The following CHCHD3 variants were observed in gnomAD, a reference collection of about 807,000 sequenced individuals.
The protein encoded by CHCHD3 is MICOS complex subunit MIC19.
Under a neutral mutation model 38.2 loss-of-function variants are expected in CHCHD3, and 20 were observed. The observed-to-expected ratio is 0.52, with a 90% CI of 0.37 to 0.76. The LOEUF is 0.76. CHCHD3 is among the 30% of genes least tolerant of loss of function. CHCHD3 has a pLI of 0.00. For missense variants in CHCHD3, 245 were observed against 279.2 expected (o/e 0.88, Z 0.87); for synonymous variants, 82 against 100.0 (o/e 0.82, Z 1.07).
intron 1 of CHCHD3, among the ~76,000 whole-genome samples, chr7:133,073,188 C>A (rs1814877900): frequency 6.6e-6 from 1 of 152,030 alleles, no homozygotes. Flanking sequence ...GAAAGCCCTC[C>A]CTTGGCTTTT....
At chr7:133,034,127 A>G (rs1813579760) in intron 2 of CHCHD3, among the ~76,000 whole-genome samples, 1 of 152,246 alleles carries the variant, frequency 6.6e-6, no homozygotes. Context: ...AAAATTATCT[A>G]CACAGGATAG....
intron 2 of CHCHD3, among the ~76,000 whole-genome samples, chr7:133,060,778 C>T (rs1814481987): frequency 2.6e-5 from 4 of 152,134 alleles, no homozygotes; most frequent in South Asian, 2.1e-4. Flanking sequence ...GGCGTGGTGG[C>T]GGGAGCCTGT....
intron 5 of CHCHD3, among the ~76,000 whole-genome samples, chr7:132,870,351 CAAA>C (rs58488494): frequency 1.3e-4 from 13 of 99,348 alleles, no homozygotes; most frequent in Admixed American, 3.2e-4. Context: ...CCTATCTCAC[CAAA>C]AAAAAAAAAA....
chr7:133,019,811 C>T lies in CHCHD3; in HGVS notation c.251+4735G>A, dbSNP rs183691675. On this transcript the variant is annotated intron_variant, in intron 3 of 7. Transcript: ENST00000262570. Reference sequence around the variant, plus strand: ...CCAAAGGTCAGAGGTCAGAAGTAGTCACATTTTTCTAGCTGTCAAAGACTG... The same window carrying T: ...CCAAAGGTCAGAGGTCAGAAGTAGTTACATTTTTCTAGCTGTCAAAGACTG... Among the ~76,000 whole-genome samples, 483 of 152,258 alleles carry T rather than the reference C, an allele frequency of 3.2e-3. 3 individuals are homozygous for T. The South Asian group carries it at 0.037, about 12-fold the overall frequency.
intron 6 of CHCHD3, among the ~76,000 whole-genome samples, chr7:132,814,117 C>T (rs979266040): frequency 7.2e-5 from 11 of 152,140 alleles, no homozygotes; most frequent in African/African-American, 2.7e-4. Context: ...ACAAGTTGGA[C>T]GTTTCAAGAA....
At chr7:132,878,021 C>T (rs1044906233) in intron 5 of CHCHD3, among the ~76,000 whole-genome samples, 3 of 152,088 alleles carry the variant, frequency 2.0e-5, no homozygotes, top group Non-Finnish European at 2.9e-5. Flanking sequence ...GAATATCAAA[C>T]GGTTTCTTAA....
intron 6 of CHCHD3, among the ~76,000 whole-genome samples, chr7:132,834,945 C>CTTATTTAT (rs1398878756): frequency 6.8e-6 from 1 of 147,766 alleles, no homozygotes; most frequent in Admixed American, 6.8e-5. Context: ...TTTTTTTCCT[C>CTTATTTAT]TCATTTATTT....
rs111324113 is a variant in CHCHD3 at position 132,995,721 on chromosome 7, C to T, written c.252-20435G>A. On this transcript the variant is annotated intron_variant, in intron 3 of 7. Transcript: ENST00000262570. ...TCTACAATAACATACAATTCCAACT[C>T]ATCCTAACAAAAGGCATCAGGCCTA... Among the ~76,000 whole-genome samples, 137 of 152,314 alleles carry T rather than the reference C, an allele frequency of 9.0e-4. No homozygotes were observed. In the Middle Eastern group the frequency reaches 0.027, roughly 30 times the overall value.
At chr7:133,079,598 T>C (rs905013576) in intron 1 of CHCHD3, among the ~76,000 whole-genome samples, 14 of 152,244 alleles carry the variant, frequency 9.2e-5, no homozygotes, top group Admixed American at 2.0e-4. Flanking sequence ...AGGGAAGTGA[T>C]GGTATTACCG....
intron 2 of CHCHD3, among the ~76,000 whole-genome samples, chr7:133,056,412 T>C (rs1348823359): frequency 1.3e-5 from 2 of 152,150 alleles, no homozygotes; most frequent in Non-Finnish European, 2.9e-5. Flanking sequence ...TCATGTCTGA[T>C]TGGTAAACTC....
At chr7:132,910,033 T>TA (rs1809903431) in intron 4 of CHCHD3, among the ~76,000 whole-genome samples, 1 of 152,212 alleles carries the variant, frequency 6.6e-6, no homozygotes, top group African/African-American at 2.4e-5. Context: ...CAAGTGCACT[T>TA]ATAAGCAGAC....
intron 2 of CHCHD3, among the ~76,000 whole-genome samples, chr7:133,040,069 A>G (rs1381898397): frequency 1.3e-5 from 2 of 152,208 alleles, no homozygotes; most frequent in African/African-American, 4.8e-5. Context: ...TCGACCCCAC[A>G]TATCTTACTA....
At chr7:133,060,958 A>T (rs6954759) in intron 2 of CHCHD3, among the ~76,000 whole-genome samples, 147,117 of 152,214 alleles carry the variant, frequency 0.97, 71,306 homozygotes, top group Middle Eastern at 1. Flanking sequence ...TACAAGAACT[A>T]CAATATGACT....
intron 4 of CHCHD3, among the ~76,000 whole-genome samples, chr7:132,945,661 A>G (rs1810880972): frequency 6.6e-6 from 1 of 151,932 alleles, no homozygotes; most frequent in Admixed American, 6.6e-5. Flanking sequence ...AACCCATTTA[A>G]TAACACTCAT....
intron 4 of CHCHD3, among the ~76,000 whole-genome samples, chr7:132,967,542 G>A (rs928563522): frequency 1.3e-5 from 2 of 151,986 alleles, no homozygotes; most frequent in African/African-American, 4.8e-5. Flanking sequence ...TGTAATCCCA[G>A]CACTTTGGGA....
intron 4 of CHCHD3, among the ~76,000 whole-genome samples, chr7:132,953,115 C>T (rs553033975): frequency 6.6e-6 from 1 of 152,268 alleles, no homozygotes; most frequent in East Asian, 1.9e-4. Context: ...AAGGAAAATT[C>T]CTCAGTGATA....
intron 4 of CHCHD3, among the ~76,000 whole-genome samples, chr7:132,966,094 T>G (rs1811457328): frequency 1.3e-5 from 2 of 152,232 alleles, no homozygotes; most frequent in Non-Finnish European, 2.9e-5. Flanking sequence ...CCTCGAATTA[T>G]TTCAGAATCA....
intron 4 of CHCHD3, among the ~76,000 whole-genome samples, chr7:132,925,479 A>G (rs918979729): frequency 6.6e-6 from 1 of 152,224 alleles, no homozygotes; most frequent in East Asian, 1.9e-4. Context: ...CCAACTTTAA[A>G]TGTTAAAATT....
At chr7:133,051,293 T>C (rs1814155297) in intron 2 of CHCHD3, among the ~76,000 whole-genome samples, 1 of 152,152 alleles carries the variant, frequency 6.6e-6, no homozygotes, top group Non-Finnish European at 1.5e-5. Context: ...TTATAACATG[T>C]TTCTGCCTCA....
Sources: allele counts gnomAD v4.1 joint callset (sites outside exome capture counted in the v4.1 genomes callset), GRCh38; gene constraint gnomAD v4.1.1; transcripts MANE v1.5; gene names NCBI Gene and HGNC (gene_info 2026-07-23, HGNC 2026-07-21).